The following MAL2 variants were observed in gnomAD, a reference collection of about 807,000 sequenced individuals.
MAL2 encodes the protein protein MAL2.
A neutral mutation model predicts 18.1 loss-of-function variants in MAL2; 17 were observed. The observed-to-expected ratio is 0.94, with a 90% CI of 0.64 to 1.41. The LOEUF (loss-of-function observed/expected upper bound fraction) is 1.41, where lower values mean the gene tolerates loss of function less well. Ranked by LOEUF, MAL2 falls within the 40% of genes most tolerant of loss-of-function variation. MAL2 has a pLI of 0.00. For missense variants in MAL2, 222 were observed against 231.9 expected, an observed-to-expected ratio of 0.96 and a Z score of 0.28; for synonymous variants, 102 against 102.3, an observed-to-expected ratio of 1.00 and a Z score of 0.02.
In MAL2 at chr8:119,232,815, T is replaced by C. The variant is rs142368521; in HGVS notation, c.304-7350T>C. Among the ~76,000 whole-genome samples, 1,040 of 152,312 alleles carry C rather than the reference T, an allele frequency of 6.8e-3. 9 individuals carry two copies. The highest frequency in any genetic ancestry group is 0.012 in the Admixed American group (177 of 15,304). On this transcript the variant is annotated intron_variant, in intron 2 of 3. Transcript: ENST00000614891. ...CTTTTTTATATTATCCTAATTAACA[T>C]TGATCTCTATGGCATCTTAATCCAA...
rs1446434180 is a variant in MAL2, at chr8:119,233,041, G to GA, written c.304-7118dup. On this transcript the variant is annotated intron_variant, in intron 2 of 3. Coordinates refer to ENST00000614891, the MANE Select transcript of MAL2 (RefSeq NM_052886.3). ...TCAATTTTGGAATAGGTGTGGTGCTGAAAAAATGTATATTCTGTTGATTTG... is the reference window on the plus strand; with the variant it reads ...TCAATTTTGGAATAGGTGTGGTGCTGAAAAAAATGTATATTCTGTTGATTTG... 4.6e-5 allele frequency among the ~76,000 whole-genome samples: 7 copies of GA among 152,088 alleles called. No homozygotes were observed. The East Asian group carries it at 1.2e-3, about 25-fold the overall frequency.
intron 1 of MAL2, among the ~76,000 whole-genome samples, chr8:119,215,981 A>G (rs1587119835): frequency 6.6e-6 from 1 of 152,150 alleles, no homozygotes; most frequent in South Asian, 2.1e-4. Flanking sequence ...TATGTAAAAT[A>G]TAGCTAATTG....
chr8:119,239,210 C>G (rs1449485969), intron 2 of MAL2, among the ~76,000 whole-genome samples: 2 of 152,132 alleles, frequency 1.3e-5, no homozygotes, highest in Non-Finnish European at 2.9e-5. Flanking sequence ...AAATGCAAAT[C>G]AAAACCACAA....
intron 2 of MAL2, among the ~76,000 whole-genome samples, chr8:119,230,877 AGTAT>A (rs1817706339): frequency 6.6e-6 from 1 of 152,206 alleles, no homozygotes; most frequent in African/African-American, 2.4e-5. Context: ...ACGTGTGGCC[AGTAT>A]GTAACACTTT....
intron 1 of MAL2, among the ~76,000 whole-genome samples, chr8:119,216,044 C>A (rs921406283): frequency 6.6e-6 from 1 of 151,878 alleles, no homozygotes; most frequent in African/African-American, 2.4e-5. Flanking sequence ...CTGAACACTT[C>A]TATAACCATG....
intron 2 of MAL2, among the ~76,000 whole-genome samples, chr8:119,223,116 C>A (rs367977941): frequency 5.3e-5 from 8 of 152,176 alleles, no homozygotes; most frequent in East Asian, 3.8e-4. Flanking sequence ...TATTCCACAG[C>A]TTTAGTGCAG....
In MAL2 at chr8:119,208,594, G is replaced by C; in HGVS notation, c.122G>C (p.Cys41Ser). ...ILRTYSGAFV[C>S]LEILFGGLVW... Reference sequence around the variant, plus strand: ...CGGACCTACTCGGGCGCCTTCGTCTGCCTGGAGATTGTAAGTGGGGCCGCC... The same window carrying C: ...CGGACCTACTCGGGCGCCTTCGTCTCCCTGGAGATTGTAAGTGGGGCCGCC... The change falls in exon 1 of 4, where the codon TGC becomes TCC. Residue 41 changes from cysteine (C) to serine (S), a missense_variant. Coordinates refer to ENST00000614891, the MANE Select transcript of MAL2 (RefSeq NM_052886.3). This position sits in a 1 kb window ranked among gnomAD's most constrained non-coding sequence, Gnocchi z 4.3. 1 of 1,361,144 alleles carries C rather than the reference G, an allele frequency of 7.3e-7. No individual in the cohort carries two copies. 84.3% of individuals were successfully genotyped at this position (1,361,144 alleles called of 1,614,324 possible).
intron 1 of MAL2, among the ~76,000 whole-genome samples, chr8:119,220,444 C>A (rs1476436609): frequency 6.6e-6 from 1 of 152,150 alleles, no homozygotes; most frequent in Non-Finnish European, 1.5e-5. Context: ...CACCATCCAC[C>A]CTTTCCTCCC....
At position 119,208,713 on chromosome 8, in the gene MAL2, C is replaced by G; in HGVS notation, c.132+109C>G. The G allele has an allele frequency of 8.3e-7, 1 of 1,211,100 alleles. No homozygotes were observed. The highest frequency in any genetic ancestry group is 1.0e-6 in the Non-Finnish European group (1 of 973,810). The allele number at this position is 1,211,100 out of a possible 1,614,324, so 75.0% of individuals were successfully genotyped here. ...CGTCCGCCCCCGGCCTCCTTCCCTT[C>G]GACGTGGCTTTGTCCTGCGCTCCCT... On this transcript the variant is annotated intron_variant, in intron 1 of 3. Coordinates refer to ENST00000614891, the MANE Select transcript of MAL2 (RefSeq NM_052886.3). This position sits in a 1 kb window ranked among gnomAD's most constrained non-coding sequence, Gnocchi z 4.3.
chr8:119,235,200 AG>A (rs1317469849), intron 2 of MAL2, among the ~76,000 whole-genome samples: 3 of 152,344 alleles, frequency 2.0e-5, no homozygotes, highest in Admixed American at 6.5e-5. Context: ...ACTGGAAGAA[AG>A]GGTATCAGCA....
chr8:119,222,829 C>CA (rs11309798), intron 2 of MAL2, among the ~76,000 whole-genome samples: 7,796 of 107,310 alleles, frequency 0.073, 249 homozygotes, highest in Non-Finnish European at 0.09. Context: ...CCTTGTCTCT[C>CA]AAAAAAAAAA....
At chr8:119,239,617 G>A (rs1818001686) in intron 2 of MAL2, among the ~76,000 whole-genome samples, 1 of 151,772 alleles carries the variant, frequency 6.6e-6, no homozygotes, top group African/African-American at 2.4e-5. Context: ...CATGGCCTTT[G>A]TAGGGACATG....
At chr8:119,231,656 TTATTCAAAACGCCAA>T (rs1476362402) in intron 2 of MAL2, among the ~76,000 whole-genome samples, 1 of 152,166 alleles carries the variant, frequency 6.6e-6, no homozygotes, top group African/African-American at 2.4e-5. Context: ...CAATACACCA[TTATTCAAAACGCCAA>T]GACATGGAAT....
chr8:119,223,875 G>T (rs1398811861), intron 2 of MAL2: 1 of 151,174 alleles, frequency 6.6e-6, no homozygotes, highest in Non-Finnish European at 1.5e-5. Context: ...AACATATTTT[G>T]TACACTCTCC....
chr8:119,221,027 T>G (rs907609993), intron 1 of MAL2: 2 of 152,944 alleles, frequency 1.3e-5, no homozygotes, highest in Non-Finnish European at 2.9e-5. Context: ...CTTATTCCTA[T>G]GTCGAACACA....
intron 2 of MAL2, among the ~76,000 whole-genome samples, chr8:119,229,783 A>C (rs1817675609): frequency 6.6e-6 from 1 of 152,076 alleles, no homozygotes; most frequent in Non-Finnish European, 1.5e-5. Context: ...ATAGGAGCCA[A>C]CTCTTCCAAA....
intron 1 of MAL2, among the ~76,000 whole-genome samples, chr8:119,214,947 C>G (rs1817325395): frequency 6.6e-6 from 1 of 152,090 alleles, no homozygotes; most frequent in Admixed American, 6.5e-5. Context: ...CAGGGCCAGT[C>G]CAGAAGCAGT....
chr8:119,235,772 C>G (rs1332687407), intron 2 of MAL2, among the ~76,000 whole-genome samples: 1 of 146,374 alleles, frequency 6.8e-6, no homozygotes, highest in Non-Finnish European at 1.5e-5. Context: ...CAGGCCTGCC[C>G]TAAAAGAGCT....
At chr8:119,225,640 T>G (rs183734504) in intron 2 of MAL2, among the ~76,000 whole-genome samples, 2 of 152,346 alleles carry the variant, frequency 1.3e-5, no homozygotes, top group Admixed American at 1.3e-4. Flanking sequence ...TACCCAGTAA[T>G]GGGATGGCTG....
Sources: gnomAD v4.1 joint callset for allele counts (sites outside exome capture counted in the v4.1 genomes callset) on GRCh38, gnomAD v4.1.1 for gene constraint, Gnocchi (gnomAD v3.1) non-coding constraint, MANE v1.5 for transcripts, NCBI Gene and HGNC (gene_info 2026-07-23, HGNC 2026-07-21) for gene names.